The following TCN2 variants were observed in gnomAD, a reference collection of about 807,000 sequenced individuals.
TCN2 encodes transcobalamin-2.
Under a neutral mutation model 48.6 loss-of-function variants are expected in TCN2, and 34 were observed. The ratio of observed to expected loss-of-function variants is 0.70; its 90% CI spans 0.53 to 0.93. The LOEUF is 0.93. Among genes scored for constraint, TCN2 ranks in the 40% least tolerant of loss-of-function variants. The pLI is 0.00. For synonymous variants in TCN2, 283 were observed against 212.5 expected, an observed-to-expected ratio of 1.33 and a Z score of -2.89; for missense variants, 652 against 526.1, an observed-to-expected ratio of 1.24 and a Z score of -2.34.
chr22:30,626,665 A>G lies in TCN2; in HGVS notation c.*144A>G. 1.1e-6 allele frequency: 1 copy of G among 899,892 alleles called. No individual in the cohort carries two copies. The highest frequency in any genetic ancestry group is 1.4e-5 in the South Asian group (1 of 71,302). 55.7% of individuals were successfully genotyped at this position (899,892 alleles called of 1,614,324 possible). A position where few individuals can be genotyped will look rare whatever the true frequency, so the allele number is the denominator to read the frequency against. On this transcript the variant is annotated 3_prime_UTR_variant, in exon 9 of 9. Transcript: ENST00000215838. The stretch of plus-strand genomic sequence containing the variant: ...AATGCCCCCTGGGATCACCCCAGCC[A>G]CAAGCCCTTCGAGGGCCCTATACCA...
At chr22:30,619,263 A>G (rs2087662051) in intron 7 of TCN2, among the ~76,000 whole-genome samples, 1 of 152,156 alleles carries the variant, frequency 6.6e-6, no homozygotes, top group Non-Finnish European at 1.5e-5. Flanking sequence ...AATTTTTTGT[A>G]GACATGGGAT....
chr22:30,609,363 C>T (rs958476679), intron 1 of TCN2, among the ~76,000 whole-genome samples: 6 of 152,000 alleles, frequency 3.9e-5, no homozygotes, highest in Non-Finnish European at 7.4e-5. Context: ...GTTGGTAGGG[C>T]GAGAGCTCAC....
chr22:30,621,347 G>C (rs1240296191), intron 7 of TCN2, among the ~76,000 whole-genome samples: 2 of 152,058 alleles, frequency 1.3e-5, no homozygotes, highest in East Asian at 3.9e-4. Flanking sequence ...CGATAACTTA[G>C]GGCTGTATTA....
At position 30,612,474 on chromosome 22, in the gene TCN2, C is replaced by T. The variant is rs182452622; in HGVS notation, c.258-399C>T. On this transcript the variant is annotated intron_variant, in intron 2 of 8. Coordinates refer to ENST00000215838, the MANE Select transcript of TCN2 (RefSeq NM_000355.4). ...CCGAGGCAGAAGAATCGCTTGAACT[C>T]GGGAGGCGGAGGTTGCAGTGAGCTG... Among the ~76,000 whole-genome samples, 305 of 151,890 alleles carry T rather than the reference C, an allele frequency of 2.0e-3. 1 individual carries two copies. The highest frequency in any genetic ancestry group is 0.01 in the Middle Eastern group (3 of 290).
At chr22:30,626,392 G>A in intron 8 of TCN2, 68 bp from the exon 9 acceptor site, 1 of 1,543,072 alleles carries the variant, frequency 6.5e-7, no homozygotes, top group Non-Finnish European at 8.9e-7. Flanking sequence ...TGGGGGGTCT[G>A]GAAGATGAGG....
At position 30,622,659 on chromosome 22, in the gene TCN2, C is replaced by T. The variant is rs2301955; in HGVS notation, c.1107-309C>T. 0.35 allele frequency among the ~76,000 whole-genome samples: 53,945 copies of T among 151,984 alleles called. 10,073 individuals are homozygous for T. Among genetic ancestry groups the T allele is most frequent in the Non-Finnish European group, 0.42 (28,461 of 67,936 alleles). On this transcript the variant is annotated intron_variant, in intron 7 of 8. Coordinates refer to ENST00000215838, the MANE Select transcript of TCN2 (RefSeq NM_000355.4). ...ACACCAGCAGCTTCTGATTCTCATC[C>T]CCCATAACATCAGCCCCCCAGAGAG...
chr22:30,623,715 G>GAAATATATATATAT (rs2087735075), intron 8 of TCN2, among the ~76,000 whole-genome samples: 1 of 103,034 alleles, frequency 9.7e-6, no homozygotes, highest in Non-Finnish European at 2.0e-5. Context: ...TATATATACA[G>GAAATATATATATAT]ACACACATAT....
intron 1 of TCN2, 96 bp downstream of exon 1, chr22:30,607,491 C>T (rs2067719457): frequency 7.3e-7 from 1 of 1,373,966 alleles, no homozygotes; most frequent in Non-Finnish European, 1.0e-6. Context: ...CCCTTCTAAG[C>T]TCCCATAGCA....
At chr22:30,625,298 A>G (rs1376802993) in intron 8 of TCN2, among the ~76,000 whole-genome samples, 1 of 152,174 alleles carries the variant, frequency 6.6e-6, no homozygotes, top group African/African-American at 2.4e-5. Context: ...GGACACTGAC[A>G]GATTCAGTGT....
intron 8 of TCN2, among the ~76,000 whole-genome samples, chr22:30,624,426 T>A (rs1218914738): frequency 6.6e-6 from 1 of 152,116 alleles, no homozygotes; most frequent in Non-Finnish European, 1.5e-5. Flanking sequence ...TTTAAGTTGC[T>A]TTGATACTCC....
rs1208165178 is a variant in TCN2, at chr22:30,627,246, A to G, written c.*725A>G. On this transcript the variant is annotated 3_prime_UTR_variant, in exon 9 of 9. Coordinates refer to ENST00000215838, the MANE Select transcript of TCN2 (RefSeq NM_000355.4). ...CACCCACTACTATGACTGAGCACTC[A>G]CTCGCTAGATACTATCTTGAACTGC... 6.4e-6 allele frequency: 1 copy of G among 155,924 alleles called. No homozygotes were observed. Among genetic ancestry groups the G allele is most frequent in the Non-Finnish European group, 1.4e-5 (1 of 70,350 alleles). 9.7% of individuals were successfully genotyped at this position (155,924 alleles called of 1,614,324 possible). A position where few individuals can be genotyped will look rare whatever the true frequency, so the allele number is the denominator to read the frequency against.
intron 2 of TCN2, 49 bp from the exon 3 acceptor site, chr22:30,612,824 C>G (rs2087560837): frequency 6.2e-7 from 1 of 1,610,084 alleles, no homozygotes. Context: ...TGTAAGCAGG[C>G]TTACGGGGTG....
intron 7 of TCN2, among the ~76,000 whole-genome samples, chr22:30,620,417 C>T (rs779873209): frequency 6.6e-6 from 1 of 152,250 alleles, no homozygotes; most frequent in Non-Finnish European, 1.5e-5. Flanking sequence ...GAGGTGCTGG[C>T]CTGCACTTTA....
intron 1 of TCN2, among the ~76,000 whole-genome samples, chr22:30,609,018 C>T (rs949599960): frequency 2.6e-5 from 4 of 152,054 alleles, no homozygotes; most frequent in South Asian, 2.1e-4. Context: ...TGCCTTCCTC[C>T]TCGGTGTAGT....
In TCN2 at chr22:30,626,687, A is replaced by T; in HGVS notation, c.*166A>T. ...GCCACAAGCCCTTCGAGGGCCCTAT[A>T]CCATGGCCCACCTTGGAGCAGAGAG... On this transcript the variant is annotated 3_prime_UTR_variant, in exon 9 of 9. Transcript: ENST00000215838. 1.4e-6 allele frequency: 1 copy of T among 725,186 alleles called. No homozygotes were observed. The highest frequency in any genetic ancestry group is 2.4e-6 in the Non-Finnish European group (1 of 414,436). 44.9% of individuals were successfully genotyped at this position (725,186 alleles called of 1,614,324 possible). A position where few individuals can be genotyped will look rare whatever the true frequency, so the allele number is the denominator to read the frequency against.
At chr22:30,609,490 C>T (rs1388880327) in intron 1 of TCN2, among the ~76,000 whole-genome samples, 1 of 152,118 alleles carries the variant, frequency 6.6e-6, no homozygotes, top group Non-Finnish European at 1.5e-5. Flanking sequence ...CAGTTTCTAA[C>T]CCTGTGCTGA....
chr22:30,623,919 T>TATATATACATATATACACACAC (rs2087754426), intron 8 of TCN2, among the ~76,000 whole-genome samples: 1 of 11,930 alleles, frequency 8.4e-5, no homozygotes, highest in Non-Finnish European at 1.6e-4. Flanking sequence ...TATACACACA[T>TATATATACATATATACACACAC]ATATATGTAT....
chr22:30,620,580 C>T (rs1040809052), intron 7 of TCN2, among the ~76,000 whole-genome samples: 6 of 152,230 alleles, frequency 3.9e-5, no homozygotes, highest in Non-Finnish European at 5.9e-5. Flanking sequence ...CTGATGGCCA[C>T]GCATAGGCTG....
chr22:30,607,736 C>CA (rs2087474263), intron 1 of TCN2, among the ~76,000 whole-genome samples: 1 of 151,968 alleles, frequency 6.6e-6, no homozygotes, highest in South Asian at 2.1e-4. Flanking sequence ...GGGGGACAGA[C>CA]AAAAGAAATG....
Sources: gnomAD v4.1 joint callset for allele counts (sites outside exome capture counted in the v4.1 genomes callset) on GRCh38, gnomAD v4.1.1 for gene constraint, MANE v1.5 for transcripts, NCBI Gene and HGNC (gene_info 2026-07-23, HGNC 2026-07-21) for gene names.